TMEM59L: variants seen among roughly 807,000 people sequenced by gnomAD.
TMEM59L encodes transmembrane protein 59-like.
A neutral mutation model predicts 39.6 loss-of-function variants in TMEM59L; 31 were observed. That is an observed-to-expected ratio of 0.78 (90% CI 0.59 to 1.06). The LOEUF is 1.06. Among genes scored for constraint, TMEM59L ranks in the 50% least tolerant of loss-of-function variants. The pLI is 0.00. For synonymous variants in TMEM59L, 219 were observed against 202.9 expected, an observed-to-expected ratio of 1.08 and a Z score of -0.68; for missense variants, 441 against 451.3, an observed-to-expected ratio of 0.98 and a Z score of 0.21.
intron 4 of TMEM59L, 87 bp from the exon 5 acceptor site, chr19:18,616,913 G>A (rs558414696): frequency 1.5e-5 from 15 of 982,986 alleles, no homozygotes; most frequent in South Asian, 3.1e-5. Context: ...TCAGCTGGGC[G>A]TGGGACATGG....
rs1441213462 is a variant in TMEM59L at position 18,613,105 on chromosome 19, C to T, written c.147C>T (p.Arg49=). The change falls in exon 1 of 8, where the codon CGC becomes CGT. Residue 49 remains arginine, a synonymous_variant. Coordinates refer to ENST00000262817, the MANE Select transcript of TMEM59L (RefSeq NM_012109.3). ...TQNCQLRCRD[R]DLGPQPSQAG... is the part of the protein sequence containing the mutation. ...ACTGCCAGCTGCGGTGCCGCGACCG[C>T]GACCTCGGCCCGCAGCCCTCGCAGG... 10 of 1,310,796 alleles carry T rather than the reference C, an allele frequency of 7.6e-6. No individual in the cohort carries two copies. The highest frequency in any genetic ancestry group is 4.1e-5 in the Admixed American group (1 of 24,480). 81.2% of individuals were successfully genotyped at this position (1,310,796 alleles called of 1,614,324 possible).
At chr19:18,617,153 C>A (rs775555957) in intron 5 of TMEM59L, 51 bp downstream of exon 5, 8 of 1,427,912 alleles carry the variant, frequency 5.6e-6, no homozygotes, top group East Asian at 4.5e-5. Flanking sequence ...CCCACTGCCA[C>A]AAGGAGTCGG....
intron 3 of TMEM59L, among the ~76,000 whole-genome samples, chr19:18,614,850 G>A (rs1976411169): frequency 6.6e-6 from 1 of 152,186 alleles, no homozygotes; most frequent in East Asian, 1.9e-4. Context: ...CATAGCCAGA[G>A]ACCTAGGGGC....
chr19:18,614,023 G>A lies in TMEM59L; in HGVS notation c.316+7G>A. 6.2e-7 allele frequency: 1 copy of A among 1,613,216 alleles called. No homozygotes were observed. Among genetic ancestry groups the A allele is most frequent in the Non-Finnish European group, 8.5e-7 (1 of 1,179,950 alleles). On this transcript the variant is annotated splice_region_variant and intron_variant, in intron 2 of 7. Coordinates refer to ENST00000262817, the MANE Select transcript of TMEM59L (RefSeq NM_012109.3). ...CAAACTGAGTGTGAAGCAGGTGAGG[G>A]CCCGCCGGCAGGGTGGGCCAGCGTG...
At position 18,620,627 on chromosome 19, in the gene TMEM59L, G is replaced by A. The variant is rs1293108474; in HGVS notation, c.*91G>A. 2 of 1,476,758 alleles carry A rather than the reference G, an allele frequency of 1.4e-6. No homozygotes were observed. Among genetic ancestry groups the A allele is most frequent in the Admixed American group, 2.3e-5 (1 of 44,440 alleles). The allele number at this position is 1,476,758 out of a possible 1,614,324, so 91.5% of individuals were successfully genotyped here. A position where few individuals can be genotyped will look rare whatever the true frequency, so the allele number is the denominator to read the frequency against. ...GGAGTCCAAGGGCAGGGTGGGTCCAGCCTTGAGCCCCTCCACCCCCAAATC... is the reference window on the plus strand; with the variant it reads ...GGAGTCCAAGGGCAGGGTGGGTCCAACCTTGAGCCCCTCCACCCCCAAATC... On this transcript the variant is annotated 3_prime_UTR_variant, in exon 8 of 8. Coordinates refer to ENST00000262817, the MANE Select transcript of TMEM59L (RefSeq NM_012109.3).
At chr19:18,614,239 C>A in intron 3 of TMEM59L, 44 bp downstream of exon 3, 2 of 1,532,238 alleles carry the variant, frequency 1.3e-6, no homozygotes, top group East Asian at 2.4e-5. Flanking sequence ...CCCAATACCC[C>A]CACCCTCTTC....
rs1429301470 is a variant in TMEM59L at position 18,613,924 on chromosome 19, G to C, written c.224G>C (p.Ser75Thr). 6.2e-7 allele frequency: 1 copy of C among 1,613,078 alleles called. No homozygotes were observed. The highest frequency in any genetic ancestry group is 8.5e-7 in the Non-Finnish European group (1 of 1,180,022). Residue 75 changes from serine (S) to threonine (T), a missense_variant, in exon 2 of 8, where the codon AGC becomes ACC. By Grantham distance (58) the Ser-to-Thr change is moderately conservative (BLOSUM62 1). Transcript: ENST00000262817. ...ESPYDRAVLI[S>T]ACERGCRLFS... ...CCCTATGACAGAGCCGTTCTGATCA[G>C]CGCTTGCGAGCGTGGCTGCCGCCTC... is the stretch of plus-strand genomic sequence containing the variant.
Position 18,613,002 on chromosome 19 carries a change from T to C in TMEM59L, c.44T>C (p.Leu15Pro). 7.2e-7 allele frequency: 1 copy of C among 1,380,052 alleles called. No homozygotes were observed. Among genetic ancestry groups the C allele is most frequent in the Non-Finnish European group, 9.3e-7 (1 of 1,069,724 alleles). 85.5% of individuals were successfully genotyped at this position (1,380,052 alleles called of 1,614,324 possible). Residue 15 changes from leucine to proline, a missense_variant, in exon 1 of 8, where the codon CTG becomes CCG. Coordinates refer to ENST00000262817, the MANE Select transcript of TMEM59L (RefSeq NM_012109.3). ...ALMPPPLLLL[L>P]LLASPPAASA... is the part of the protein sequence containing the mutation. ...ATGCCACCGCCGCTGCTGCTGCTGCTGCTGTTGGCGTCGCCGCCCGCCGCC... is the reference window on the plus strand; with the variant it reads ...ATGCCACCGCCGCTGCTGCTGCTGCCGCTGTTGGCGTCGCCGCCCGCCGCC...
chr19:18,618,656 TG>T (rs1976459115), intron 7 of TMEM59L, among the ~76,000 whole-genome samples, 164 bp downstream of exon 7: 1 of 110,212 alleles, frequency 9.1e-6, no homozygotes, highest in African/African-American at 3.0e-5. Flanking sequence ...CGTGTGTGTG[TG>T]TGTGTGTGTG....
rs1286980084 is a variant in TMEM59L, at chr19:18,618,503, T to C, written c.900+11T>C. On this transcript the variant is annotated intron_variant, in intron 7 of 7. Transcript: ENST00000262817. ...CACCTCAAGTTCCAGGTGGGTGGGATCTGTGAATGGCGCTGGGCCGAGGGA... is the reference window on the plus strand; with the variant it reads ...CACCTCAAGTTCCAGGTGGGTGGGACCTGTGAATGGCGCTGGGCCGAGGGA... 2 of 1,598,298 alleles carry C rather than the reference T, an allele frequency of 1.3e-6. No individual in the cohort carries two copies. Among genetic ancestry groups the C allele is most frequent in the Admixed American group, 3.4e-5 (2 of 58,062 alleles).
chr19:18,618,507 T>C lies in TMEM59L; in HGVS notation c.900+15T>C. 1.3e-6 allele frequency: 2 copies of C among 1,595,212 alleles called. No homozygotes were observed. Among genetic ancestry groups the C allele is most frequent in the Non-Finnish European group, 1.7e-6 (2 of 1,174,060 alleles). On this transcript the variant is annotated intron_variant, in intron 7 of 7. Transcript: ENST00000262817. Reference sequence around the variant, plus strand: ...TCAAGTTCCAGGTGGGTGGGATCTGTGAATGGCGCTGGGCCGAGGGAGGGG... The same window carrying C: ...TCAAGTTCCAGGTGGGTGGGATCTGCGAATGGCGCTGGGCCGAGGGAGGGG...
chr19:18,617,142 C>T (rs1976437349), intron 5 of TMEM59L, 40 bp downstream of exon 5: 4 of 1,500,452 alleles, frequency 2.7e-6, no homozygotes, highest in African/African-American at 1.4e-5. Flanking sequence ...CCATGGGTGG[C>T]CCCACTGCCA....
intron 5 of TMEM59L, chr19:18,617,720 C>T (rs891714031): frequency 2.3e-6 from 1 of 437,344 alleles, no homozygotes; most frequent in African/African-American, 2.1e-5. Flanking sequence ...GTCCATCTCC[C>T]AGGGTTCCAT....
chr19:18,619,791 G>C (rs1323108691), intron 7 of TMEM59L, among the ~76,000 whole-genome samples: 3 of 144,936 alleles, frequency 2.1e-5, no homozygotes, highest in Non-Finnish European at 3.0e-5. Flanking sequence ...GTGACAGAGC[G>C]AGACTCCATC....
At chr19:18,613,238 T>G (rs1600663646) in intron 1 of TMEM59L, 109 bp downstream of exon 1, 42 of 971,674 alleles carry the variant, frequency 4.3e-5, no homozygotes, top group East Asian at 2.3e-4. Context: ...TTGGTGGGGG[T>G]GTCCGTGGGG....
At chr19:18,616,886 C>T in intron 4 of TMEM59L, 114 bp from the exon 5 acceptor site, 1 of 772,900 alleles carries the variant, frequency 1.3e-6, no homozygotes, top group Admixed American at 2.3e-5. Flanking sequence ...ACCCCTGATA[C>T]CCAGGGGAAC....
chr19:18,614,454 T>C (rs905921996), intron 3 of TMEM59L, among the ~76,000 whole-genome samples: 5 of 152,240 alleles, frequency 3.3e-5, no homozygotes, highest in African/African-American at 1.2e-4. Context: ...GGTTCGGGCC[T>C]GACTTCAACC....
At position 18,613,126 on chromosome 19, in the gene TMEM59L, G is replaced by C; in HGVS notation, c.168G>C (p.Ser56=). The change falls in exon 1 of 8, where the codon TCG becomes TCC. Residue 56 remains serine (S), a synonymous_variant. Transcript: ENST00000262817. ...ACCGCGACCTCGGCCCGCAGCCCTCGCAGGTGAGGCGCGTGCGGTGCCAGG... is the reference window on the plus strand; with the variant it reads ...ACCGCGACCTCGGCCCGCAGCCCTCCCAGGTGAGGCGCGTGCGGTGCCAGG... ...CRDRDLGPQP[S]QAGLEGASES... 1 of 1,289,454 alleles carries C rather than the reference G, an allele frequency of 7.8e-7. No individual in the cohort carries two copies. Among genetic ancestry groups the C allele is most frequent in the Non-Finnish European group, 9.8e-7 (1 of 1,022,300 alleles). 79.9% of individuals were successfully genotyped at this position (1,289,454 alleles called of 1,614,324 possible). A position where few individuals can be genotyped will look rare whatever the true frequency, so the allele number is the denominator to read the frequency against.
chr19:18,617,049 G>C lies in TMEM59L; in HGVS notation c.611G>C (p.Arg204Pro). 1.9e-6 allele frequency: 3 copies of C among 1,613,348 alleles called. No individual in the cohort carries two copies. Among genetic ancestry groups the C allele is most frequent in the Non-Finnish European group, 2.5e-6 (3 of 1,179,880 alleles). The change falls in exon 5 of 8, where the codon CGC (arginine) becomes CCC (proline). Residue 204 changes from arginine to proline, a missense_variant. Arg to Pro is a moderately radical substitution (Grantham distance 103). Coordinates refer to ENST00000262817, the MANE Select transcript of TMEM59L (RefSeq NM_012109.3). ...SLGFQGGRLQRVEVTWRGSHP... is the reference protein window; with the variant it reads ...SLGFQGGRLQPVEVTWRGSHP... The stretch of plus-strand genomic sequence containing the variant: ...GGCTTCCAGGGGGGCCGTCTGCAGC[G>C]CGTGGAGGTGACCTGGCGAGGCTCC...
Sources: allele counts gnomAD v4.1 joint callset (sites outside exome capture counted in the v4.1 genomes callset), GRCh38; gene constraint gnomAD v4.1.1; transcripts MANE v1.5; gene names NCBI Gene and HGNC (gene_info 2026-07-23, HGNC 2026-07-21).